RIC8B: variants seen among roughly 807,000 people sequenced by gnomAD.
RIC8B encodes chaperone Ric-8B.
Under a neutral mutation model 57.5 loss-of-function variants are expected in RIC8B, and 16 were observed. The ratio of observed to expected loss-of-function variants is 0.28; its 90% CI spans 0.19 to 0.42. The LOEUF (loss-of-function observed/expected upper bound fraction) is 0.42. Ranked by LOEUF, RIC8B falls within the 10% of genes least tolerant of loss-of-function variation. The pLI is 1.00. For synonymous variants in RIC8B, 216 were observed against 250.8 expected (o/e 0.86, Z 1.31); for missense variants, 481 against 677.0 (o/e 0.71, Z 3.21).
chr12:106,848,469 T>C (rs1949307239), intron 6 of RIC8B, among the ~76,000 whole-genome samples: 1 of 151,988 alleles, frequency 6.6e-6, no homozygotes. Flanking sequence ...ATGTAGAAAA[T>C]GAATTAGAGA....
intron 1 of RIC8B, 127 bp downstream of exon 1, chr12:106,774,956 G>A: frequency 4.2e-6 from 3 of 718,310 alleles, no homozygotes; most frequent in South Asian, 1.9e-5. Flanking sequence ...AAACGTTTCC[G>A]GCTTGGGCAT....
chr12:106,795,544 G>T (rs2044441066), intron 2 of RIC8B, among the ~76,000 whole-genome samples: 1 of 152,128 alleles, frequency 6.6e-6, no homozygotes, highest in Non-Finnish European at 1.5e-5. Flanking sequence ...ACATAGCGTG[G>T]GGAGGGCTGG....
intron 2 of RIC8B, among the ~76,000 whole-genome samples, chr12:106,797,342 C>G (rs2136216344): frequency 6.6e-6 from 1 of 152,298 alleles, no homozygotes; most frequent in East Asian, 1.9e-4. Context: ...ACTGATGCTG[C>G]TACAACATGG....
chr12:106,876,745 A>G (rs1035640504), intron 9 of RIC8B, among the ~76,000 whole-genome samples: 1 of 152,118 alleles, frequency 6.6e-6, no homozygotes, highest in African/African-American at 2.4e-5. Context: ...GTTTTTGACT[A>G]GTAGAGGAAC....
intron 9 of RIC8B, chr12:106,873,204 G>C: frequency 1.0e-6 from 1 of 984,758 alleles, no homozygotes; most frequent in East Asian, 1.1e-4. Context: ...GTTTAAAGCA[G>C]AGCAAATATG....
At chr12:106,839,010 A>G (rs2046747955) in intron 4 of RIC8B, among the ~76,000 whole-genome samples, 1 of 152,088 alleles carries the variant, frequency 6.6e-6, no homozygotes. Flanking sequence ...AAACCTCAAA[A>G]AACAAAAGAT....
Position 106,843,686 on chromosome 12 carries a change from C to T in RIC8B, c.1066-166C>T, listed in dbSNP as rs866440433. ...GCAGTGAGCCGAGATTGCGCCGCTG[C>T]ACTCCAGCCTGGGCAACAGAGGGAG... is the stretch of plus-strand genomic sequence containing the variant. On this transcript the variant is annotated intron_variant, in intron 5 of 9. Transcript: ENST00000392837. Among the ~76,000 whole-genome samples, 50 of 136,984 alleles carry T rather than the reference C, an allele frequency of 3.7e-4. No individual in the cohort carries two copies. In the Admixed American group the frequency reaches 3.9e-3, roughly 11 times the overall value. 89.9% of individuals were successfully genotyped at this position (136,984 alleles called of 152,430 possible). A position where few individuals can be genotyped will look rare whatever the true frequency, so the allele number is the denominator to read the frequency against.
chr12:106,864,777 A>G (rs561339317), intron 8 of RIC8B, among the ~76,000 whole-genome samples: 1 of 152,246 alleles, frequency 6.6e-6, no homozygotes, highest in East Asian at 1.9e-4. Flanking sequence ...CATCACCACT[A>G]TCTCTCTTCA....
intron 1 of RIC8B, chr12:106,775,181 G>T: frequency 2.4e-6 from 1 of 417,136 alleles, no homozygotes. Flanking sequence ...CACCTGTATA[G>T]CATAAAAATA....
At chr12:106,834,273 A>G (rs1378800237) in intron 4 of RIC8B, among the ~76,000 whole-genome samples, 2 of 152,240 alleles carry the variant, frequency 1.3e-5, no homozygotes, top group Non-Finnish European at 2.9e-5. Flanking sequence ...GGCATACAAA[A>G]GGCTCTGCCA....
rs548237791 is a variant in RIC8B at position 106,816,886 on chromosome 12, T to C, written c.741+1582T>C. On this transcript the variant is annotated intron_variant, in intron 3 of 9. Transcript: ENST00000392837. ...ATACTCATTCTGTGTTATAGAATATTTATTCTTCAAAAGATATATGAAAAG... is the reference window on the plus strand; with the variant it reads ...ATACTCATTCTGTGTTATAGAATATCTATTCTTCAAAAGATATATGAAAAG... 5.9e-5 allele frequency among the ~76,000 whole-genome samples: 9 copies of C among 152,310 alleles called. No homozygotes were observed. In the South Asian group the frequency reaches 1.9e-3, roughly 32 times the overall value.
At chr12:106,819,472 G>A (rs1160869861) in intron 3 of RIC8B, among the ~76,000 whole-genome samples, 1 of 152,076 alleles carries the variant, frequency 6.6e-6, no homozygotes, top group African/African-American at 2.4e-5. Context: ...AATATGGCTG[G>A]GTGCAGTGGT....
At chr12:106,819,776 T>C (rs1271823714) in intron 3 of RIC8B, among the ~76,000 whole-genome samples, 1 of 147,888 alleles carries the variant, frequency 6.8e-6, no homozygotes, top group Non-Finnish European at 1.5e-5. Flanking sequence ...TACTCATAAG[T>C]ATATAATATA....
chr12:106,832,009 A>G (rs1310346172), intron 4 of RIC8B, among the ~76,000 whole-genome samples: 3 of 152,122 alleles, frequency 2.0e-5, no homozygotes, highest in African/African-American at 7.2e-5. Context: ...TAGATTCCTT[A>G]TTAGGGCCTT....
At chr12:106,860,630 T>C (rs1011274666) in intron 8 of RIC8B, among the ~76,000 whole-genome samples, 7 of 152,182 alleles carry the variant, frequency 4.6e-5, no homozygotes, top group Non-Finnish European at 8.8e-5. Context: ...TTCAACGTAC[T>C]TATTATCTTC....
chr12:106,837,846 T>A (rs2136394529), intron 4 of RIC8B, among the ~76,000 whole-genome samples: 1 of 152,216 alleles, frequency 6.6e-6, no homozygotes, highest in East Asian at 1.9e-4. Context: ...TTTAGCACGT[T>A]GGCCAGGCTG....
At chr12:106,870,708 T>TGCC in intron 8 of RIC8B, 115 bp from the exon 9 acceptor site, 1 of 720,694 alleles carries the variant, frequency 1.4e-6, no homozygotes, top group Non-Finnish European at 2.0e-6. Context: ...TTGAAATTAT[T>TGCC]GCCAATTTTT....
chr12:106,868,165 C>T (rs1950219149), intron 8 of RIC8B: 4 of 372,592 alleles, frequency 1.1e-5, no homozygotes, highest in Admixed American at 3.0e-5. Flanking sequence ...ACTTTGTATG[C>T]TGTGGTGCCC....
At chr12:106,813,946 A>G (rs1029134360) in intron 2 of RIC8B, among the ~76,000 whole-genome samples, 1 of 152,196 alleles carries the variant, frequency 6.6e-6, no homozygotes, top group South Asian at 2.1e-4. Context: ...TTTTTAGGAA[A>G]TATAAGATAT....
Sources: allele counts gnomAD v4.1 joint callset (sites outside exome capture counted in the v4.1 genomes callset), GRCh38; gene constraint gnomAD v4.1.1; transcripts MANE v1.5; gene names NCBI Gene and HGNC (gene_info 2026-07-23, HGNC 2026-07-21).